NLK: variants seen among roughly 807,000 people sequenced by gnomAD.
NLK encodes nemo like kinase, also known as serine/threonine-protein kinase NLK.
NLK carries 11 observed loss-of-function variants against 59.0 expected under a neutral mutation model. That is an observed-to-expected ratio of 0.19 (90% CI 0.12 to 0.31). NLK has a LOEUF of 0.31. NLK is among the 10% of genes least tolerant of loss of function. The pLI is 1.00. For missense variants in NLK, 410 were observed against 661.1 expected, an observed-to-expected ratio of 0.62 and a Z score of 4.16; for synonymous variants, 235 against 235.9, an observed-to-expected ratio of 1.00 and a Z score of 0.03.
chr17:28,127,709 T>G (rs1328426419), intron 2 of NLK, among the ~76,000 whole-genome samples: 17 of 152,238 alleles, frequency 1.1e-4, no homozygotes, highest in Admixed American at 1.1e-3. Context: ...CAGCAAGGTT[T>G]TATGTCTATA....
chr17:28,100,915 A>G (rs879504054), intron 1 of NLK, among the ~76,000 whole-genome samples: 5 of 152,166 alleles, frequency 3.3e-5, no homozygotes, highest in Admixed American at 6.5e-5. Context: ...ACGATGAATT[A>G]TTTTTCTTTT....
At position 28,186,299 on chromosome 17, in the gene NLK, TAAG is replaced by T. The variant is rs368051302; in HGVS notation, c.1236+1035_1236+1037del. On this transcript the variant is annotated intron_variant, in intron 8 of 10. Coordinates refer to ENST00000407008, the MANE Select transcript of NLK (RefSeq NM_016231.5). ...AGATTAGGGATAAAAATAATTCTGT[TAAG>T]GAGTTCAGGTTTGTGAGAAACAGTC... 9.1e-4 allele frequency among the ~76,000 whole-genome samples: 138 copies of T among 152,326 alleles called. 1 individual carries two copies. The highest frequency in any genetic ancestry group is 3.2e-3 in the African/African-American group (133 of 41,586).
At chr17:28,178,434 C>G (rs550061550) in intron 7 of NLK, among the ~76,000 whole-genome samples, 1 of 152,324 alleles carries the variant, frequency 6.6e-6, no homozygotes, top group South Asian at 2.1e-4. Context: ...TTTATTATCT[C>G]TTTTCTACAA....
chr17:28,121,495 CT>C (rs58647578), intron 1 of NLK, among the ~76,000 whole-genome samples: 34 of 72,294 alleles, frequency 4.7e-4, no homozygotes, highest in African/African-American at 1.9e-3. Flanking sequence ...TCTTTCTTTT[CT>C]TTTTTTTTTT....
chr17:28,150,043 C>T (rs942757883), intron 3 of NLK, among the ~76,000 whole-genome samples: 58 of 152,132 alleles, frequency 3.8e-4, no homozygotes, highest in African/African-American at 1.3e-3. Context: ...GGTAATAGAA[C>T]TTCATGGAAA....
chr17:28,204,662 G>A, the NLK span, among the ~76,000 whole-genome samples: 1 of 152,274 alleles, frequency 6.6e-6, no homozygotes, highest in African/African-American at 2.4e-5. Context: ...CCCTCATGGA[G>A]CCCCCATTCT....
At chr17:28,200,349 G>A (rs887113605), downstream of NLK, among the ~76,000 whole-genome samples, 2 of 152,086 alleles carry the variant, frequency 1.3e-5, no homozygotes, top group Non-Finnish European at 1.5e-5. Context: ...TGATGTTTAG[G>A]TTGAAGTTCT....
intron 7 of NLK, among the ~76,000 whole-genome samples, chr17:28,179,416 TA>T (rs145152519): frequency 0.016 from 2,499 of 151,968 alleles, 62 homozygotes; most frequent in African/African-American, 0.056. Context: ...ATTTTATTTT[TA>T]TTTTATTTTA....
intron 1 of NLK, among the ~76,000 whole-genome samples, chr17:28,066,835 T>C (rs1438271949): frequency 1.3e-5 from 2 of 152,218 alleles, no homozygotes; most frequent in African/African-American, 4.8e-5. Context: ...TGGTTTTGCA[T>C]TTCCCTAATA....
chr17:28,105,072 T>C (rs1387699318), intron 1 of NLK, among the ~76,000 whole-genome samples: 1 of 152,212 alleles, frequency 6.6e-6, no homozygotes, highest in Non-Finnish European at 1.5e-5. Flanking sequence ...GTTCAATTCC[T>C]CAGTAAGATT....
At chr17:28,069,085 CCTGCCCTAGG>C (rs1347070171) in intron 1 of NLK, among the ~76,000 whole-genome samples, 1 of 152,184 alleles carries the variant, frequency 6.6e-6, no homozygotes, top group Admixed American at 6.5e-5. Flanking sequence ...TCCCCCTCCC[CCTGCCCTAGG>C]CAGCCACTTT....
intron 8 of NLK, 64 bp downstream of exon 8, chr17:28,185,329 T>C (rs1217895159): frequency 1.6e-5 from 17 of 1,068,742 alleles, no homozygotes; most frequent in African/African-American, 3.2e-5. Flanking sequence ...GAGAGAAACA[T>C]TGTGGTTTTG....
chr17:28,092,239 T>G (rs996292285), intron 1 of NLK, among the ~76,000 whole-genome samples: 1 of 151,508 alleles, frequency 6.6e-6, no homozygotes, highest in Admixed American at 6.6e-5. Flanking sequence ...GCTCAGAGCT[T>G]TTTTTAAAGA....
intron 3 of NLK, among the ~76,000 whole-genome samples, chr17:28,147,171 C>T (rs1907291095): frequency 6.6e-6 from 1 of 152,140 alleles, no homozygotes; most frequent in South Asian, 2.1e-4. Context: ...TCTACACCCA[C>T]TTAGTACCCA....
chr17:28,185,938 A>G (rs1314208772), intron 8 of NLK, among the ~76,000 whole-genome samples: 2 of 152,190 alleles, frequency 1.3e-5, no homozygotes, highest in African/African-American at 4.8e-5. Context: ...GCTTTTCCCA[A>G]TACCCTTTCT....
chr17:28,044,375 C>G (rs557837845), intron 1 of NLK, among the ~76,000 whole-genome samples: 2 of 152,252 alleles, frequency 1.3e-5, no homozygotes, highest in Admixed American at 6.5e-5. Flanking sequence ...GTAAATATCT[C>G]CTTTCGTCAT....
At chr17:28,104,470 G>T (rs907032845) in intron 1 of NLK, among the ~76,000 whole-genome samples, 5 of 152,100 alleles carry the variant, frequency 3.3e-5, no homozygotes, top group African/African-American at 1.2e-4. Flanking sequence ...TGGTCAGGCT[G>T]GTCTCGAACT....
At chr17:28,092,086 C>T (rs1330820639) in intron 1 of NLK, among the ~76,000 whole-genome samples, 1 of 152,212 alleles carries the variant, frequency 6.6e-6, no homozygotes, top group Admixed American at 6.5e-5. Context: ...AAGGGCATAA[C>T]CTCTTTGGAT....
chr17:28,162,254 A>G (rs1488328735), intron 4 of NLK, among the ~76,000 whole-genome samples: 1 of 152,014 alleles, frequency 6.6e-6, no homozygotes, highest in Non-Finnish European at 1.5e-5. Context: ...CGACCTTGTG[A>G]TCCTCCTGCC....
Sources: gnomAD v4.1 joint callset for allele counts (sites outside exome capture counted in the v4.1 genomes callset) on GRCh38, gnomAD v4.1.1 for gene constraint, MANE v1.5 for transcripts, NCBI Gene and HGNC (gene_info 2026-07-23, HGNC 2026-07-21) for gene names.